Variants in DBF4B observed in about 807,000 individuals in gnomAD.
DBF4B encodes the protein DBF4B-CDC7 kinase regulatory subunit, also known as protein DBF4 homolog B.
In DBF4B, 49 loss-of-function variants were observed where a neutral mutation model predicts 53.4. The observed-to-expected ratio is 0.92, with a 90% CI of 0.73 to 1.16. The LOEUF (loss-of-function observed/expected upper bound fraction) is 1.16. Ranked by LOEUF, DBF4B falls within the 50% of genes most tolerant of loss-of-function variation. The probability of loss-of-function intolerance (pLI) is 0.00; values close to 1 mark genes in which losing one functional copy is unlikely to be tolerated. For missense variants in DBF4B, 692 were observed against 775.0 expected (o/e 0.89, Z 1.27); for synonymous variants, 257 against 288.7 (o/e 0.89, Z 1.11).
At chr17:44,727,808 C>T (rs983340246) in intron 3 of DBF4B, among the ~76,000 whole-genome samples, 1 of 151,882 alleles carries the variant, frequency 6.6e-6, no homozygotes, top group Non-Finnish European at 1.5e-5. Context: ...AGCGATTCTC[C>T]TTCCTCAGCC....
At chr17:44,716,423 T>C (rs990035862) in intron 2 of DBF4B, among the ~76,000 whole-genome samples, 1 of 152,164 alleles carries the variant, frequency 6.6e-6, no homozygotes, top group Non-Finnish European at 1.5e-5. Flanking sequence ...TATACAGATA[T>C]TCTTTTGATC....
At chr17:44,748,176 G>A (rs542945811) in intron 12 of DBF4B, among the ~76,000 whole-genome samples, 165 bp from the exon 13 acceptor site, 7 of 152,158 alleles carry the variant, frequency 4.6e-5, no homozygotes, top group Non-Finnish European at 7.4e-5. Context: ...TGGTTGCTGC[G>A]GCAGGTTAGA....
At chr17:44,725,684 C>CTTCTTTTTTTTTTTT (rs777349094) in intron 3 of DBF4B, among the ~76,000 whole-genome samples, 13 of 87,644 alleles carry the variant, frequency 1.5e-4, no homozygotes, top group African/African-American at 5.8e-4. Flanking sequence ...TTTTGTGCTT[C>CTTCTTTTTTTTTTTT]TTTTTTTTTT....
intron 2 of DBF4B, among the ~76,000 whole-genome samples, chr17:44,721,225 C>CT (rs1555674675): frequency 1.5e-5 from 2 of 136,032 alleles, no homozygotes; most frequent in African/African-American, 2.9e-5. Flanking sequence ...TTCCCCCCCC[C>CT]TCCCCTTTTT....
chr17:44,718,998 T>C (rs1172871868), intron 2 of DBF4B: 1 of 150,878 alleles, frequency 6.6e-6, no homozygotes, highest in African/African-American at 2.4e-5. Flanking sequence ...GACGGAGTCT[T>C]GTTCTGTTGC....
At chr17:44,727,215 T>C (rs562411233) in intron 3 of DBF4B, among the ~76,000 whole-genome samples, 1 of 150,676 alleles carries the variant, frequency 6.6e-6, no homozygotes, top group East Asian at 2.0e-4. Flanking sequence ...TCAGGAGTTC[T>C]ACACCAGCCT....
At chr17:44,727,038 G>A (rs1014267006) in intron 3 of DBF4B, among the ~76,000 whole-genome samples, 1 of 132,104 alleles carries the variant, frequency 7.6e-6, no homozygotes, top group Non-Finnish European at 1.5e-5. Context: ...GGTGGAGGTT[G>A]CAGTGAGCCA....
intron 7 of DBF4B, among the ~76,000 whole-genome samples, chr17:44,734,533 G>A (rs1975167231): frequency 6.6e-6 from 1 of 152,242 alleles, no homozygotes; most frequent in South Asian, 2.1e-4. Flanking sequence ...CTGGGAACGA[G>A]TCTGCATACT....
chr17:44,712,894 T>C (rs1973004834), intron 2 of DBF4B, among the ~76,000 whole-genome samples: 1 of 151,740 alleles, frequency 6.6e-6, no homozygotes, highest in Admixed American at 6.6e-5. Context: ...TTATATCTAT[T>C]GACTGTCTTC....
intron 3 of DBF4B, among the ~76,000 whole-genome samples, chr17:44,727,121 A>C (rs987773618): frequency 1.5e-5 from 2 of 136,070 alleles, no homozygotes; most frequent in Non-Finnish European, 3.2e-5. Flanking sequence ...AAAAAAAAAA[A>C]ACCATATATA....
chr17:44,746,231 CA>C (rs11322604), intron 10 of DBF4B, among the ~76,000 whole-genome samples: 57,601 of 87,698 alleles, frequency 0.66, 17,185 homozygotes, highest in African/African-American at 0.79. Context: ...TACTCCATCT[CA>C]AAAAAAAAAA....
At chr17:44,736,070 C>T (rs1975395066) in intron 7 of DBF4B, among the ~76,000 whole-genome samples, 1 of 152,112 alleles carries the variant, frequency 6.6e-6, no homozygotes, top group Non-Finnish European at 1.5e-5. Context: ...CAACCTCCAC[C>T]TCCTGGGCTC....
At chr17:44,711,416 T>TTCTCCTGCCTCAGTCTCCCAA (rs967813233) in intron 2 of DBF4B, among the ~76,000 whole-genome samples, 21 of 152,194 alleles carry the variant, frequency 1.4e-4, no homozygotes, top group Non-Finnish European at 2.8e-4. Flanking sequence ...GTGCAAGCAA[T>TTCTCCTGCCTCAGTCTCCCAA]TCTCCTGCCT....
chr17:44,713,915 TTC>T (rs1568158667), intron 2 of DBF4B, among the ~76,000 whole-genome samples: 1 of 151,556 alleles, frequency 6.6e-6, no homozygotes, highest in African/African-American at 2.4e-5. Flanking sequence ...TTCTGTGGAA[TTC>T]TTTTTGCCTC....
At chr17:44,746,053 C>CAAAAAAAAA (rs61654485) in intron 10 of DBF4B, among the ~76,000 whole-genome samples, 63 of 110,626 alleles carry the variant, frequency 5.7e-4, no homozygotes, top group East Asian at 1.0e-3. Context: ...ACTAAAAATA[C>CAAAAAAAAA]AAAAAAAAAA....
intron 2 of DBF4B, among the ~76,000 whole-genome samples, chr17:44,717,700 C>A (rs1481192389): frequency 7.9e-6 from 1 of 127,336 alleles, no homozygotes; most frequent in Non-Finnish European, 1.6e-5. Context: ...AAAGCAAGAC[C>A]TGGTCTCAAA....
At chr17:44,732,341 C>CATGGTCATGTGAGCTT in intron 6 of DBF4B, 76 bp downstream of exon 6, 1 of 1,486,932 alleles carries the variant, frequency 6.7e-7, no homozygotes. Flanking sequence ...TTAGAAGGAT[C>CATGGTCATGTGAGCTT]ATGGTCATGT....
chr17:44,709,047 GATGT>G, intron 1 of DBF4B: 1 of 763,172 alleles, frequency 1.3e-6, no homozygotes, highest in East Asian at 2.6e-5. Flanking sequence ...AGCCTGGAGG[GATGT>G]ATGGAGATTG....
chr17:44,751,016 CT>C lies in DBF4B; in HGVS notation c.1612del (p.Cys538ValfsTer75), dbSNP rs1174889132. On this transcript the variant is annotated frameshift_variant, in exon 14 of 14. Coordinates refer to ENST00000315005, the MANE Select transcript of DBF4B (RefSeq NM_145663.3). LOFTEE classifies it low-confidence loss of function (END_TRUNC). ...PLHEEVSPCP[C>X]LRLGYLYLLL... ...TGCATGAGGAAGTTTCCCCTTGCCCCTGTCTCAGACTTGGATACCTTTACCT... is the reference window on the plus strand; with the variant it reads ...TGCATGAGGAAGTTTCCCCTTGCCCCGTCTCAGACTTGGATACCTTTACCT... 3.7e-6 allele frequency: 6 copies of C among 1,614,030 alleles called. No homozygotes were observed. In the Admixed American group the frequency reaches 5.0e-5, roughly 13 times the overall value.
Sources: allele counts gnomAD v4.1 joint callset (sites outside exome capture counted in the v4.1 genomes callset), GRCh38; gene constraint gnomAD v4.1.1; transcripts MANE v1.5; gene names NCBI Gene and HGNC (gene_info 2026-07-23, HGNC 2026-07-21).